The following MYO18B variants were observed in gnomAD, a reference collection of about 807,000 sequenced individuals.
The protein encoded by MYO18B is myosin XVIIIB, also known as unconventional myosin-XVIIIb.
Under a neutral mutation model 273.0 loss-of-function variants are expected in MYO18B, and 204 were observed. That is an observed-to-expected ratio of 0.75 (90% confidence interval 0.67 to 0.84). The LOEUF (loss-of-function observed/expected upper bound fraction) is 0.84, where lower values mean the gene tolerates loss of function less well. Among genes scored for constraint, MYO18B ranks in the 40% least tolerant of loss-of-function variants. The pLI, the probability that MYO18B is intolerant of heterozygous loss-of-function variation, is 0.00. For synonymous variants in MYO18B, 1,330 were observed against 1,305.7 expected (o/e 1.02, Z -0.40); for missense variants, 3,212 against 3,287.6 (o/e 0.98, Z 0.56).
At position 25,872,981 on chromosome 22, in the gene MYO18B, A is replaced by T. The variant is rs1385685923; in HGVS notation, c.3952-1305A>T. On this transcript the variant is annotated intron_variant, in intron 22 of 43. Coordinates refer to ENST00000335473, the MANE Select transcript of MYO18B (RefSeq NM_032608.7). ...GACTTCTTCCCCTGTCACTGACTGA[A>T]ATCCCACCATAAGAGCATTTTTCCT... is the stretch of plus-strand genomic sequence containing the variant. 2.6e-5 allele frequency among the ~76,000 whole-genome samples: 4 copies of T among 152,180 alleles called. No individual in the cohort carries two copies. The East Asian group carries it at 7.7e-4, about 29-fold the overall frequency.
chr22:26,031,262 A>G (rs1936659369), downstream of MYO18B, among the ~76,000 whole-genome samples: 1 of 152,236 alleles, frequency 6.6e-6, no homozygotes, highest in East Asian at 1.9e-4. Context: ...GGTGTAGCCA[A>G]TCATAGCTCC....
At chr22:25,791,249 C>T (rs898583755) in intron 11 of MYO18B, among the ~76,000 whole-genome samples, 8 of 152,184 alleles carry the variant, frequency 5.3e-5, no homozygotes, top group African/African-American at 1.9e-4. Flanking sequence ...CTGGCGGAGG[C>T]AACCATGAGC....
chr22:25,928,617 T>C (rs2092454739), intron 34 of MYO18B, among the ~76,000 whole-genome samples: 2 of 152,066 alleles, frequency 1.3e-5, no homozygotes, highest in South Asian at 4.2e-4. Context: ...CTGGGAGCTT[T>C]GGATACATCT....
chr22:25,838,535 G>A (rs984845075), intron 17 of MYO18B, among the ~76,000 whole-genome samples: 4 of 152,150 alleles, frequency 2.6e-5, no homozygotes, highest in African/African-American at 7.2e-5. Flanking sequence ...TATACAAATG[G>A]TGATTCCATA....
intron 21 of MYO18B, among the ~76,000 whole-genome samples, chr22:25,857,623 C>T (rs2090611692): frequency 6.6e-6 from 1 of 152,210 alleles, no homozygotes; most frequent in Non-Finnish European, 1.5e-5. Context: ...CTTTCTTGTT[C>T]ACCTTGCTGT....
chr22:25,862,931 A>T, intron 21 of MYO18B, among the ~76,000 whole-genome samples: 1 of 150,276 alleles, frequency 6.7e-6, no homozygotes, highest in Non-Finnish European at 1.5e-5. Flanking sequence ...TTCTTCTGAG[A>T]CTCCTGTTGT....
intron 32 of MYO18B, among the ~76,000 whole-genome samples, chr22:25,909,427 G>A (rs991032023): frequency 7.2e-5 from 11 of 152,306 alleles, no homozygotes; most frequent in Admixed American, 7.2e-4. Context: ...AGAGCGCCTT[G>A]TATTTCTCTC....
intron 21 of MYO18B, among the ~76,000 whole-genome samples, chr22:25,854,731 A>G (rs2090518726): frequency 6.6e-6 from 1 of 152,192 alleles, no homozygotes; most frequent in Admixed American, 6.5e-5. Flanking sequence ...AAATCTGACT[A>G]TTCTAAGTCC....
At chr22:25,909,290 C>G (rs2092109645) in intron 32 of MYO18B, among the ~76,000 whole-genome samples, 1 of 152,158 alleles carries the variant, frequency 6.6e-6, no homozygotes, top group South Asian at 2.1e-4. Context: ...CTTCTCGTCC[C>G]CTGAATCATA....
intron 35 of MYO18B, among the ~76,000 whole-genome samples, chr22:25,947,381 A>G (rs1182815258): frequency 1.3e-5 from 2 of 151,892 alleles, no homozygotes; most frequent in African/African-American, 2.4e-5. Context: ...TCATATATGT[A>G]CTAGGCACAT....
chr22:25,763,234 C>T lies in MYO18B; in HGVS notation c.43C>T (p.Arg15Trp), dbSNP rs372043469. 16 of 1,607,960 alleles carry T rather than the reference C, an allele frequency of 1.0e-5. No individual in the cohort carries two copies. Among genetic ancestry groups the T allele is most frequent in the Admixed American group, 6.7e-5 (4 of 59,260 alleles). Residue 15 changes from arginine to tryptophan, a missense_variant, in exon 3 of 44, where the codon CGG becomes TGG. Coordinates refer to ENST00000335473, the MANE Select transcript of MYO18B (RefSeq NM_032608.7). ...TTTCCTTGCTTCTGCAAAACAGATT[C>T]GGGAAGAGGACAAGAGCCCTCCACC... The part of the protein sequence containing the change: ...SRLALWEQKI[R>W]EEDKSPPPSS...
intron 42 of MYO18B, among the ~76,000 whole-genome samples, chr22:26,007,222 G>T (rs931745503): frequency 6.6e-6 from 1 of 152,146 alleles, no homozygotes; most frequent in Non-Finnish European, 1.5e-5. Context: ...CTCACAGTTG[G>T]TGCTCAATAA....
intron 34 of MYO18B, among the ~76,000 whole-genome samples, chr22:25,945,081 T>C (rs1343560504): frequency 6.6e-6 from 1 of 152,134 alleles, no homozygotes; most frequent in Non-Finnish European, 1.5e-5. Flanking sequence ...AAGAGCTTTA[T>C]TTAAGTCGGT....
intron 37 of MYO18B, among the ~76,000 whole-genome samples, chr22:25,950,798 C>T (rs2092784382): frequency 6.6e-6 from 1 of 152,086 alleles, no homozygotes; most frequent in African/African-American, 2.4e-5. Context: ...TCTCTAACTC[C>T]TGACCTCAGG....
intron 40 of MYO18B, among the ~76,000 whole-genome samples, chr22:25,993,745 A>G (rs1932936128): frequency 6.6e-6 from 1 of 152,178 alleles, no homozygotes; most frequent in Admixed American, 6.5e-5. Context: ...GAGACAGGCA[A>G]AGGAAGCAGA....
intron 42 of MYO18B, among the ~76,000 whole-genome samples, chr22:26,005,516 C>G: frequency 6.6e-6 from 1 of 152,200 alleles, no homozygotes; most frequent in South Asian, 2.1e-4. Context: ...CTTAGTTGCA[C>G]AGTTTCTATC....
chr22:25,885,973 T>TGCTGTC (rs746054354), intron 25 of MYO18B, among the ~76,000 whole-genome samples: 19 of 152,214 alleles, frequency 1.2e-4, no homozygotes, highest in Non-Finnish European at 2.8e-4. Context: ...ATGTATGAAT[T>TGCTGTC]GCTGTCATGC....
chr22:25,773,549 C>T (rs573033832), intron 7 of MYO18B, among the ~76,000 whole-genome samples: 6 of 152,082 alleles, frequency 3.9e-5, no homozygotes, highest in South Asian at 4.2e-4. Flanking sequence ...CTGCAAGCGC[C>T]GCCTCCCGGG....
At chr22:25,851,826 T>C (rs1315706724) in intron 21 of MYO18B, among the ~76,000 whole-genome samples, 1 of 152,126 alleles carries the variant, frequency 6.6e-6, no homozygotes, top group Non-Finnish European at 1.5e-5. Flanking sequence ...CCAGCTGGAA[T>C]CTGAAAGCAG....
Sources: gnomAD v4.1 joint callset for allele counts (sites outside exome capture counted in the v4.1 genomes callset) on GRCh38, gnomAD v4.1.1 for gene constraint, MANE v1.5 for transcripts, NCBI Gene and HGNC (gene_info 2026-07-23, HGNC 2026-07-21) for gene names.